The following PIWIL2 variants were observed in gnomAD, a reference collection of about 807,000 sequenced individuals.
The protein encoded by PIWIL2 is piwi like RNA-mediated gene silencing 2.
In PIWIL2, 81 loss-of-function variants were observed where a neutral mutation model predicts 116.5. The observed-to-expected ratio is 0.70, with a 90% CI of 0.58 to 0.84. The LOEUF (loss-of-function observed/expected upper bound fraction) is 0.84. Among genes scored for constraint, PIWIL2 ranks in the 40% least tolerant of loss-of-function variants. The pLI is 0.00. For synonymous variants in PIWIL2, 489 were observed against 429.5 expected, an observed-to-expected ratio of 1.14 and a Z score of -1.71; for missense variants, 1,272 against 1,212.3, an observed-to-expected ratio of 1.05 and a Z score of -0.73.
At chr8:22,335,055 CAAAA>C (rs35685695) in intron 20 of PIWIL2, among the ~76,000 whole-genome samples, 1 of 50,154 alleles carries the variant, frequency 2.0e-5, no homozygotes, top group Non-Finnish European at 4.3e-5. Flanking sequence ...ACTCTTGTCT[CAAAA>C]AAAAAAAAAA....
chr8:22,279,790 C>T (rs911992961), intron 2 of PIWIL2, among the ~76,000 whole-genome samples: 3 of 152,186 alleles, frequency 2.0e-5, no homozygotes, highest in African/African-American at 7.2e-5. Context: ...AACCCTGTCT[C>T]TACTGAAAAT....
chr8:22,307,891 G>A (rs1554501085), intron 13 of PIWIL2, 42 bp from the exon 14 acceptor site: 2 of 1,501,274 alleles, frequency 1.3e-6, no homozygotes, highest in South Asian at 1.2e-5. Context: ...TCATATTGGT[G>A]AAGTTATCTT....
intron 19 of PIWIL2, among the ~76,000 whole-genome samples, chr8:22,317,599 A>G (rs559245768): frequency 1.1e-4 from 16 of 152,010 alleles, no homozygotes; most frequent in African/African-American, 3.1e-4. Flanking sequence ...AATTTTTTCT[A>G]TTGGAGCAGT....
At chr8:22,345,321 A>C (rs1040776532) in intron 20 of PIWIL2, among the ~76,000 whole-genome samples, 3 of 152,220 alleles carry the variant, frequency 2.0e-5, no homozygotes, top group African/African-American at 7.2e-5. Flanking sequence ...AAAAACTTAT[A>C]CACAAATGTT....
At chr8:22,354,889 G>A (rs1832454638) in intron 22 of PIWIL2, among the ~76,000 whole-genome samples, 1 of 152,068 alleles carries the variant, frequency 6.6e-6, no homozygotes, top group Admixed American at 6.6e-5. Context: ...GACCAACATG[G>A]CAAAACCCTG....
chr8:22,338,209 T>C (rs1190674435), intron 20 of PIWIL2, among the ~76,000 whole-genome samples: 2 of 152,164 alleles, frequency 1.3e-5, no homozygotes, highest in African/African-American at 2.4e-5. Context: ...AAAAGAAAAC[T>C]ATCTTTGCAG....
chr8:22,286,293 C>T (rs1250217112), intron 6 of PIWIL2, among the ~76,000 whole-genome samples: 1 of 152,118 alleles, frequency 6.6e-6, no homozygotes, highest in Non-Finnish European at 1.5e-5. Flanking sequence ...ACTGACTTGG[C>T]CACTCATTTA....
At chr8:22,318,475 G>T (rs1052744975) in intron 20 of PIWIL2, among the ~76,000 whole-genome samples, 200 bp downstream of exon 20, 2 of 152,062 alleles carry the variant, frequency 1.3e-5, no homozygotes, top group Non-Finnish European at 2.9e-5. Flanking sequence ...GCACCAGCAC[G>T]TCCAGTTAAT....
chr8:22,281,657 A>G lies in PIWIL2; in HGVS notation c.425+142A>G, dbSNP rs77374134. On this transcript the variant is annotated intron_variant, in intron 4 of 22. Coordinates refer to ENST00000356766, the MANE Select transcript of PIWIL2 (RefSeq NM_018068.5). ...TAAAGAATGCATATTTCTCAAGAGTAGTCAGCAGCTGTTAACACAGCTAGG... is the reference window on the plus strand; with the variant it reads ...TAAAGAATGCATATTTCTCAAGAGTGGTCAGCAGCTGTTAACACAGCTAGG... 2.8e-3 allele frequency: 1,884 copies of G among 669,686 alleles called. 36 individuals are homozygous for G. In the African/African-American group the frequency reaches 0.031, roughly 11 times the overall value. 41.5% of individuals were successfully genotyped at this position (669,686 alleles called of 1,614,324 possible).
At chr8:22,318,474 C>T (rs115124457) in intron 20 of PIWIL2, among the ~76,000 whole-genome samples, 199 bp downstream of exon 20, 5 of 152,104 alleles carry the variant, frequency 3.3e-5, no homozygotes, top group Admixed American at 6.5e-5. Flanking sequence ...TGCACCAGCA[C>T]GTCCAGTTAA....
intron 20 of PIWIL2, among the ~76,000 whole-genome samples, chr8:22,333,117 A>G (rs1831899249): frequency 6.6e-6 from 1 of 152,182 alleles, no homozygotes; most frequent in Admixed American, 6.5e-5. Flanking sequence ...ACACTTTGAT[A>G]TGCTATAGAT....
At position 22,299,755 on chromosome 8, in the gene PIWIL2, G is replaced by A. The variant is rs114588434; in HGVS notation, c.1182-4266G>A. Among the ~76,000 whole-genome samples the A allele has an allele frequency of 5.8e-3, 880 of 152,188 alleles. 6 individuals carry two copies. Among genetic ancestry groups the A allele is most frequent in the African/African-American group, 0.02 (841 of 41,528 alleles). On this transcript the variant is annotated intron_variant, in intron 10 of 22. Transcript: ENST00000356766. ...CGTTACAGTGAAGAAAATAGACATGGCCATTGCCCCAAAATGTTCTCAGGT... is the reference window on the plus strand; with the variant it reads ...CGTTACAGTGAAGAAAATAGACATGACCATTGCCCCAAAATGTTCTCAGGT...
At chr8:22,280,791 T>G (rs1276961014) in intron 2 of PIWIL2, among the ~76,000 whole-genome samples, 2 of 152,140 alleles carry the variant, frequency 1.3e-5, no homozygotes, top group Non-Finnish European at 2.9e-5. Context: ...CATTTTGTTA[T>G]ACTGTTTATC....
intron 10 of PIWIL2, among the ~76,000 whole-genome samples, chr8:22,303,021 T>G (rs1334974801): frequency 6.6e-6 from 1 of 152,242 alleles, no homozygotes; most frequent in Admixed American, 6.5e-5. Flanking sequence ...AAGTTTTCTC[T>G]ATCTCAAAAG....
chr8:22,287,984 A>G (rs1044960673), intron 7 of PIWIL2, among the ~76,000 whole-genome samples: 1 of 152,152 alleles, frequency 6.6e-6, no homozygotes, highest in Non-Finnish European at 1.5e-5. Flanking sequence ...CTGTGACCTC[A>G]GTGATAAAGA....
At chr8:22,293,647 A>G (rs116866458) in intron 10 of PIWIL2, among the ~76,000 whole-genome samples, 12 of 152,344 alleles carry the variant, frequency 7.9e-5, no homozygotes, top group East Asian at 3.9e-4. Context: ...TTCAAACTCT[A>G]TGGATTTACC....
Position 22,304,871 on chromosome 8 carries a change from G to A in PIWIL2, c.1455+3G>A, listed in dbSNP as rs771799956. 1.3e-6 allele frequency: 2 copies of A among 1,578,150 alleles called. No homozygotes were observed. Among genetic ancestry groups the A allele is most frequent in the Non-Finnish European group, 1.7e-6 (2 of 1,147,292 alleles). ...AGAGACAGGATAATCATGGGATGGT[G>A]AGTAGGGCTGTCAGGCTTACAATTC... On this transcript the variant is annotated splice_donor_region_variant and intron_variant, in intron 12 of 22. Coordinates refer to ENST00000356766, the MANE Select transcript of PIWIL2 (RefSeq NM_018068.5).
intron 19 of PIWIL2, 129 bp downstream of exon 19, chr8:22,316,462 A>C: frequency 7.0e-5 from 42 of 597,994 alleles, no homozygotes; most frequent in Middle Eastern, 3.0e-4. Context: ...TTCTTCCTCT[A>C]TCTTCATGTG....
At chr8:22,313,764 A>G (rs1831388715) in intron 16 of PIWIL2, among the ~76,000 whole-genome samples, 1 of 152,236 alleles carries the variant, frequency 6.6e-6, no homozygotes, top group South Asian at 2.1e-4. Flanking sequence ...AGTGAGGAAT[A>G]GATGATACTG....
Sources: gnomAD v4.1 joint callset for allele counts (sites outside exome capture counted in the v4.1 genomes callset) on GRCh38, gnomAD v4.1.1 for gene constraint, MANE v1.5 for transcripts, NCBI Gene and HGNC (gene_info 2026-07-23, HGNC 2026-07-21) for gene names.